The following TFB1M variants were observed in gnomAD, a reference collection of about 807,000 sequenced individuals.
The protein encoded by TFB1M is dimethyladenosine transferase 1, mitochondrial.
Under a neutral mutation model 31.1 loss-of-function variants are expected in TFB1M, and 27 were observed. That is an observed-to-expected ratio of 0.87 (90% CI 0.64 to 1.20). The LOEUF (loss-of-function observed/expected upper bound fraction) is 1.20. Among genes scored for constraint, TFB1M ranks in the 50% most tolerant of loss-of-function variants. The probability of loss-of-function intolerance (pLI) is 0.00; values close to 1 mark genes in which losing one functional copy is unlikely to be tolerated. For synonymous variants in TFB1M, 166 were observed against 151.8 expected, an observed-to-expected ratio of 1.09 and a Z score of -0.69; for missense variants, 394 against 418.7, an observed-to-expected ratio of 0.94 and a Z score of 0.51.
At chr6:155,297,713 G>A (rs1001740190) in intron 3 of TFB1M, among the ~76,000 whole-genome samples, 3 of 152,148 alleles carry the variant, frequency 2.0e-5, no homozygotes, top group African/African-American at 4.8e-5. Context: ...GAAATCCTCC[G>A]GAAGACTATG....
downstream of TFB1M, among the ~76,000 whole-genome samples, chr6:155,252,578 T>A (rs1025231646): frequency 3.3e-5 from 5 of 152,226 alleles, no homozygotes; most frequent in African/African-American, 1.2e-4. Context: ...ATAAACATAG[T>A]CTGTGAAACT....
chr6:155,235,010 GCA>G, the TFB1M span, among the ~76,000 whole-genome samples: 11 of 151,408 alleles, frequency 7.3e-5, no homozygotes, highest in East Asian at 1.9e-4. Flanking sequence ...TAGAGATGGA[GCA>G]CAGCTAGAGA....
At chr6:155,258,524 C>CT (rs1491268351) in intron 6 of TFB1M, among the ~76,000 whole-genome samples, 25 of 130,210 alleles carry the variant, frequency 1.9e-4, no homozygotes, top group South Asian at 2.7e-4. Flanking sequence ...AAAAGAGTTA[C>CT]TTTTTTTTGC....
intron 5 of TFB1M, among the ~76,000 whole-genome samples, chr6:155,265,324 A>C (rs1174897209): frequency 6.6e-6 from 1 of 152,246 alleles, no homozygotes; most frequent in Admixed American, 6.5e-5. Flanking sequence ...CAAACTCAGA[A>C]GGCACTTGAT....
rs71023639 is a variant in TFB1M, at chr6:155,296,426, ATTTTTTTT to A, written c.546+519_546+526del. ...AGGCACCCCCCACCACACCCAGCTA[ATTTTTTTT>A]TTTTTTTTTTTTTTTTTGTATTTTT... On this transcript the variant is annotated intron_variant, in intron 4 of 6. Transcript: ENST00000367166. Among the ~76,000 whole-genome samples the A allele has an allele frequency of 7.7e-3, 793 of 103,482 alleles. 7 individuals are homozygous for A. Among genetic ancestry groups the A allele is most frequent in the East Asian group, 0.013 (43 of 3,286 alleles). The allele number at this position is 103,482 out of a possible 152,430, so 67.9% of individuals were successfully genotyped here.
intron 4 of TFB1M, among the ~76,000 whole-genome samples, chr6:155,293,693 T>G (rs1777033515): frequency 6.6e-6 from 1 of 152,212 alleles, no homozygotes; most frequent in Non-Finnish European, 1.5e-5. Context: ...GGTTTTGTAG[T>G]TATTTTTATA....
chr6:155,290,388 C>CAAAAAAA (rs1189869721), intron 4 of TFB1M, among the ~76,000 whole-genome samples: 39 of 107,526 alleles, frequency 3.6e-4, no homozygotes, highest in East Asian at 4.8e-4. Context: ...GACTCGGCCT[C>CAAAAAAA]AAAAAAAAAA....
chr6:155,260,027 C>T (rs972201471), intron 6 of TFB1M, among the ~76,000 whole-genome samples: 1 of 152,204 alleles, frequency 6.6e-6, no homozygotes, highest in African/African-American at 2.4e-5. Context: ...TGGTACAGAG[C>T]CTCTGTGAGC....
At chr6:155,232,247 G>C in the TFB1M span, among the ~76,000 whole-genome samples, 1 of 151,380 alleles carries the variant, frequency 6.6e-6, no homozygotes, top group African/African-American at 2.4e-5. Flanking sequence ...TTGAGAAAAA[G>C]TCCTTCGTGC....
intron 6 of TFB1M, 90 bp from the exon 7 acceptor site, chr6:155,258,172 C>A: frequency 6.7e-7 from 1 of 1,482,722 alleles, no homozygotes; most frequent in Non-Finnish European, 9.3e-7. Flanking sequence ...GAAAACAACA[C>A]AACACAGTTG....
intron 5 of TFB1M, among the ~76,000 whole-genome samples, chr6:155,263,222 T>C (rs9383748): frequency 0.66 from 99,870 of 152,076 alleles, 33,563 homozygotes; most frequent in East Asian, 0.99. Context: ...TACAAAAATG[T>C]TTTTTACTTA....
chr6:155,239,065 G>C, the TFB1M span, among the ~76,000 whole-genome samples: 1 of 152,138 alleles, frequency 6.6e-6, no homozygotes, highest in Non-Finnish European at 1.5e-5. Context: ...CATGCATCAG[G>C]CTACCAAGTT....
At chr6:155,303,392 T>C (rs975424365) in intron 2 of TFB1M, 2 of 152,226 alleles carry the variant, frequency 1.3e-5, no homozygotes, top group Admixed American at 1.3e-4. Context: ...ATTTGTCTTT[T>C]ATAGCTTTCT....
At chr6:155,244,289 A>C in the TFB1M span, among the ~76,000 whole-genome samples, 1 of 152,232 alleles carries the variant, frequency 6.6e-6, no homozygotes, top group Non-Finnish European at 1.5e-5. Flanking sequence ...ACAAAGGCAG[A>C]GGGACGGTTA....
At chr6:155,262,422 C>T (rs1181211105) in intron 5 of TFB1M, among the ~76,000 whole-genome samples, 2 of 152,158 alleles carry the variant, frequency 1.3e-5, no homozygotes, top group Non-Finnish European at 2.9e-5. Context: ...CCAGCCTTCT[C>T]TCACTGGACT....
chr6:155,249,478 C>G, the TFB1M span, among the ~76,000 whole-genome samples: 1 of 152,162 alleles, frequency 6.6e-6, no homozygotes, highest in South Asian at 2.1e-4. Flanking sequence ...TCACTTTTCT[C>G]ATCTGTAAAA....
chr6:155,253,948 C>T (rs952594473), downstream of TFB1M: 2 of 1,597,756 alleles, frequency 1.3e-6, no homozygotes, highest in Non-Finnish European at 1.7e-6. Context: ...GTTGTAGACT[C>T]TTGTTTCCAT....
At chr6:155,276,472 C>T in intron 5 of TFB1M, 1 of 1,146,382 alleles carries the variant, frequency 8.7e-7, no homozygotes, top group Non-Finnish European at 1.2e-6. Flanking sequence ...ACTTTCCCTA[C>T]AAAGAAAGTA....
intron 2 of TFB1M, chr6:155,299,458 G>A (rs1261377074): frequency 6.6e-6 from 1 of 152,082 alleles, no homozygotes; most frequent in Non-Finnish European, 1.5e-5. Flanking sequence ...ACTGATTCTT[G>A]AAGTCCTTAG....
Sources: gnomAD v4.1 joint callset for allele counts (sites outside exome capture counted in the v4.1 genomes callset) on GRCh38, gnomAD v4.1.1 for gene constraint, MANE v1.5 for transcripts, NCBI Gene and HGNC (gene_info 2026-07-23, HGNC 2026-07-21) for gene names.